The following NRG2 variants were observed in gnomAD, a reference collection of about 807,000 sequenced individuals.
The protein encoded by NRG2 is pro-neuregulin-2, membrane-bound isoform.
Under a neutral mutation model 73.9 loss-of-function variants are expected in NRG2, and 27 were observed. That is an observed-to-expected ratio of 0.37 (90% CI 0.27 to 0.50). NRG2 has a LOEUF of 0.50. Among genes scored for constraint, NRG2 ranks in the 20% least tolerant of loss-of-function variants. NRG2 has a pLI of 0.96. For synonymous variants in NRG2, 532 were observed against 541.0 expected, an observed-to-expected ratio of 0.98 and a Z score of 0.23; for missense variants, 1,126 against 1,210.1, an observed-to-expected ratio of 0.93 and a Z score of 1.03.
intron 1 of NRG2, among the ~76,000 whole-genome samples, chr5:139,896,893 T>C (rs1407853373): frequency 2.6e-5 from 4 of 152,196 alleles, no homozygotes; most frequent in Admixed American, 6.5e-5. Flanking sequence ...GTGATGTCTG[T>C]AGAGAAAGGC....
Position 139,887,545 on chromosome 5 carries a change from G to T in NRG2, c.701-34C>A. The T allele has an allele frequency of 6.2e-7, 1 of 1,604,474 alleles. No homozygotes were observed. Among genetic ancestry groups the T allele is most frequent in the Admixed American group, 1.7e-5 (1 of 59,522 alleles). On this transcript the variant is annotated intron_variant, in intron 1 of 9. Coordinates refer to ENST00000361474, the MANE Select transcript of NRG2 (RefSeq NM_004883.3). The surrounding 1 kb of genome is among the most constrained non-coding windows in gnomAD (Gnocchi z 4.5). ...TACAAGGCAGGTAGGTGAGCACGGT[G>T]GTGGTAGGGGCAGTGCCAAGCATGA... is the stretch of plus-strand genomic sequence containing the variant.
intron 5 of NRG2, among the ~76,000 whole-genome samples, chr5:139,862,133 C>T (rs1295533366): frequency 6.6e-6 from 1 of 152,198 alleles, no homozygotes; most frequent in Admixed American, 6.5e-5. Flanking sequence ...TTCCTGAGGA[C>T]AATGACCAGC....
At chr5:139,989,990 A>G (rs62383912) in intron 1 of NRG2, among the ~76,000 whole-genome samples, 7,306 of 148,306 alleles carry the variant, frequency 0.049, 339 homozygotes, top group South Asian at 0.18. Flanking sequence ...GGGTTTCACC[A>G]TGTTAGCCAG....
intron 1 of NRG2, among the ~76,000 whole-genome samples, chr5:140,013,934 T>C (rs1459811011): frequency 2.0e-5 from 3 of 152,234 alleles, no homozygotes; most frequent in African/African-American, 7.2e-5. Context: ...TTTTCTGGCT[T>C]CTTCTCTTCT....
intron 3 of NRG2, among the ~76,000 whole-genome samples, chr5:139,879,037 A>C (rs1331020247): frequency 6.6e-6 from 1 of 152,230 alleles, no homozygotes; most frequent in Non-Finnish European, 1.5e-5. Flanking sequence ...TACATCGTAC[A>C]GCTCTATCAT....
chr5:139,876,790 C>T (rs1220423508), intron 3 of NRG2, among the ~76,000 whole-genome samples: 1 of 152,050 alleles, frequency 6.6e-6, no homozygotes, highest in African/African-American at 2.4e-5. Context: ...AAAAGGCAGA[C>T]CTTTTAGAGT....
chr5:139,860,747 G>A (rs1449180904), intron 5 of NRG2, among the ~76,000 whole-genome samples: 3 of 152,138 alleles, frequency 2.0e-5, no homozygotes, highest in African/African-American at 7.2e-5. Flanking sequence ...TGTGATTTCA[G>A]GACCCTGTGA....
intron 3 of NRG2, among the ~76,000 whole-genome samples, chr5:139,873,948 G>C (rs1024557422): frequency 2.0e-5 from 3 of 152,250 alleles, no homozygotes; most frequent in African/African-American, 7.2e-5. Flanking sequence ...TGTTGTCATG[G>C]GGACGAGGCT....
Position 139,994,685 on chromosome 5 carries a change from CT to C in NRG2, c.700+47684del, listed in dbSNP as rs1273345652. On this transcript the variant is annotated intron_variant, in intron 1 of 9. Coordinates refer to ENST00000361474, the MANE Select transcript of NRG2 (RefSeq NM_004883.3). Reference sequence around the variant, plus strand: ...TTAATGCCAAATGAAGTGGTATAGACTTGTATAGAAGATAGTGCTAAAAGAG... The same window carrying C: ...TTAATGCCAAATGAAGTGGTATAGACTGTATAGAAGATAGTGCTAAAAGAG... 3.3e-5 allele frequency among the ~76,000 whole-genome samples: 5 copies of C among 152,084 alleles called. No individual in the cohort carries two copies. The East Asian group carries it at 9.6e-4, about 29-fold the overall frequency.
At chr5:139,921,817 T>G (rs948233434) in intron 1 of NRG2, among the ~76,000 whole-genome samples, 3 of 152,136 alleles carry the variant, frequency 2.0e-5, no homozygotes, top group Non-Finnish European at 4.4e-5. Flanking sequence ...ATTCCAGCAC[T>G]TTGACAGGTC....
At chr5:139,877,267 C>T (rs79375610) in intron 3 of NRG2, among the ~76,000 whole-genome samples, 5,149 of 152,350 alleles carry the variant, frequency 0.034, 130 homozygotes, top group Non-Finnish European at 0.054. Flanking sequence ...GCTGGCAGAG[C>T]TCTGACTATA....
chr5:139,891,234 C>G (rs1324932800), intron 1 of NRG2, among the ~76,000 whole-genome samples: 1 of 152,150 alleles, frequency 6.6e-6, no homozygotes, highest in Non-Finnish European at 1.5e-5. Context: ...GTGGCCACTG[C>G]TTAGTGGTGA....
chr5:139,856,879 GAC>G lies in NRG2; in HGVS notation c.1190-1103_1190-1102del, dbSNP rs1456884816. 6.6e-6 allele frequency among the ~76,000 whole-genome samples: 1 copy of G among 152,134 alleles called. No individual in the cohort carries two copies. The highest frequency in any genetic ancestry group is 6.5e-5 in the Admixed American group (1 of 15,286). On this transcript the variant is annotated intron_variant, in intron 5 of 9. Coordinates refer to ENST00000361474, the MANE Select transcript of NRG2 (RefSeq NM_004883.3). This position sits in a 1 kb window ranked among gnomAD's most constrained non-coding sequence, Gnocchi z 4.2. ...GTGCACACACACGCCCATGCCCACTGACACACAGTTGGATGGAGTTGTAAACA... is the reference window on the plus strand; with the variant it reads ...GTGCACACACACGCCCATGCCCACTGACACAGTTGGATGGAGTTGTAAACA...
In NRG2 at chr5:139,855,681, C is replaced by G. The variant is rs374951382; in HGVS notation, c.1287G>C (p.Lys429Asn). 16 of 1,613,672 alleles carry G rather than the reference C, an allele frequency of 9.9e-6. No individual in the cohort carries two copies. The African/African-American group carries it at 2.1e-4, about 22-fold the overall frequency. The part of the protein sequence containing the change: ...VGIVCVVAYC[K>N]TKKQRKQMHN... Reference sequence around the variant, plus strand: ...CTTGAGTGACTGACACTCACTTGGTCTTGCAGTAGGCCACCACACAGACGA... The same window carrying G: ...CTTGAGTGACTGACACTCACTTGGTGTTGCAGTAGGCCACCACACAGACGA... Residue 429 changes from lysine to asparagine, a missense_variant, in exon 6 of 10, where the codon AAG (lysine) becomes AAC (asparagine). Lys to Asn is a moderately conservative substitution (Grantham distance 94). Transcript: ENST00000361474.
intron 1 of NRG2, among the ~76,000 whole-genome samples, chr5:139,987,367 CAAAAAAAAA>C (rs34895532): frequency 6.0e-5 from 2 of 33,236 alleles, no homozygotes; most frequent in Non-Finnish European, 1.1e-4. Flanking sequence ...GACTCTGTCT[CAAAAAAAAA>C]AAAAAAAAAA....
chr5:139,873,500 C>T (rs576810048), intron 3 of NRG2, among the ~76,000 whole-genome samples: 7 of 152,390 alleles, frequency 4.6e-5, no homozygotes, highest in South Asian at 4.1e-4. Flanking sequence ...GAGAAGGCAG[C>T]GAAGTGTCTG....
intron 1 of NRG2, among the ~76,000 whole-genome samples, chr5:139,966,199 G>T (rs1755502910): frequency 6.6e-6 from 1 of 152,154 alleles, no homozygotes; most frequent in Non-Finnish European, 1.5e-5. Flanking sequence ...CAGGAGTGAT[G>T]CACCTAAACA....
At chr5:139,996,877 T>A (rs1314493058) in intron 1 of NRG2, among the ~76,000 whole-genome samples, 1 of 151,844 alleles carries the variant, frequency 6.6e-6, no homozygotes, top group African/African-American at 2.4e-5. Flanking sequence ...CTCACGCCTA[T>A]AATCCCAGCA....
chr5:139,872,818 C>T (rs1762947757), intron 3 of NRG2, among the ~76,000 whole-genome samples: 1 of 152,222 alleles, frequency 6.6e-6, no homozygotes, highest in Non-Finnish European at 1.5e-5. Context: ...TGAACATTCT[C>T]GCCCCAAACA....
Sources: allele counts gnomAD v4.1 joint callset (sites outside exome capture counted in the v4.1 genomes callset), GRCh38; gene constraint gnomAD v4.1.1; non-coding constraint Gnocchi (gnomAD v3.1); transcripts MANE v1.5; gene names NCBI Gene and HGNC (gene_info 2026-07-23, HGNC 2026-07-21).